The following USP33 variants were observed in gnomAD, a reference collection of about 807,000 sequenced individuals.
USP33 encodes ubiquitin specific peptidase 33.
USP33 carries 46 observed loss-of-function variants against 124.2 expected under a neutral mutation model. The observed-to-expected ratio is 0.37, with a 90% CI of 0.29 to 0.47. The LOEUF is 0.47. Among genes scored for constraint, USP33 ranks in the 20% least tolerant of loss-of-function variants. USP33 has a pLI of 0.99. For missense variants in USP33, 851 were observed against 1,070.6 expected (o/e 0.79, Z 2.86); for synonymous variants, 350 against 352.3 (o/e 0.99, Z 0.07).
chr1:77,744,867 T>G (rs1034960545), intron 1 of USP33, among the ~76,000 whole-genome samples: 2 of 152,160 alleles, frequency 1.3e-5, no homozygotes, highest in African/African-American at 4.8e-5. Flanking sequence ...AAATTTGGAA[T>G]AAGTGCGACA....
At position 77,759,447 on chromosome 1, in the gene USP33, T is replaced by G. The variant is rs954968598; in HGVS notation, c.-52+196A>C. On this transcript the variant is annotated intron_variant, in intron 1 of 23. Transcript: ENST00000370794. ...GACCGTTGACAGGGCGACCACTAGA[T>G]TATCTCTGCAACGCAGAGCACCGAG... The G allele has an allele frequency of 1.0e-5, 4 of 395,254 alleles. No individual in the cohort carries two copies. The South Asian group carries it at 4.3e-4, about 42-fold the overall frequency. 24.5% of individuals were successfully genotyped at this position (395,254 alleles called of 1,614,324 possible).
chr1:77,727,618 C>T (rs1179770443), intron 10 of USP33, among the ~76,000 whole-genome samples: 1 of 152,240 alleles, frequency 6.6e-6, no homozygotes, highest in African/African-American at 2.4e-5. Context: ...TACTCTCACT[C>T]TTCAGTAATT....
At position 77,735,229 on chromosome 1, in the gene USP33, C is replaced by T. The variant is rs139038259; in HGVS notation, c.455-813G>A. ...CATATGGTTCAAGCTAATATTAAAACGAGCCATTGAATGACTGTTATCTCT... is the reference window on the plus strand; with the variant it reads ...CATATGGTTCAAGCTAATATTAAAATGAGCCATTGAATGACTGTTATCTCT... On this transcript the variant is annotated intron_variant, in intron 6 of 23. Transcript: ENST00000370794. Among the ~76,000 whole-genome samples the T allele has an allele frequency of 5.0e-3, 761 of 152,208 alleles. 2 individuals carry two copies. Among genetic ancestry groups the T allele is most frequent in the Middle Eastern group, 0.044 (13 of 294 alleles).
chr1:77,711,525 T>A, intron 21 of USP33: 1 of 507,028 alleles, frequency 2.0e-6, no homozygotes, highest in South Asian at 5.3e-5. Flanking sequence ...AGATTTTGTC[T>A]CATACACACA....
chr1:77,725,957 CT>C (rs1461936712), intron 10 of USP33, among the ~76,000 whole-genome samples, 195 bp from the exon 11 acceptor site: 2 of 152,046 alleles, frequency 1.3e-5, no homozygotes, highest in Admixed American at 1.3e-4. Flanking sequence ...TTTTTGTTTA[CT>C]TGTTTTTTTG....
At chr1:77,730,000 T>G (rs1375191710) in intron 8 of USP33, 62 bp from the exon 9 acceptor site, 1 of 1,355,876 alleles carries the variant, frequency 7.4e-7, no homozygotes, top group Admixed American at 2.0e-5. Flanking sequence ...TTTTAAAAAT[T>G]AACTACCAAT....
At chr1:77,725,853 G>A in intron 10 of USP33, 91 bp from the exon 11 acceptor site, 1 of 1,189,866 alleles carries the variant, frequency 8.4e-7, no homozygotes, top group Non-Finnish European at 1.1e-6. Context: ...TTGATATTTT[G>A]AACACAATCA....
intron 22 of USP33, among the ~76,000 whole-genome samples, chr1:77,699,585 C>T (rs907098232): frequency 6.6e-6 from 1 of 152,226 alleles, no homozygotes; most frequent in Non-Finnish European, 1.5e-5. Context: ...CACTTTTACA[C>T]TGTTGGTGGG....
intron 20 of USP33, 38 bp from the exon 21 acceptor site, chr1:77,711,893 A>C: frequency 6.4e-7 from 1 of 1,565,004 alleles, no homozygotes; most frequent in Non-Finnish European, 8.6e-7. Flanking sequence ...TGTTCTAGGA[A>C]GTTTGTTTCT....
rs747109697 is a variant in USP33, at chr1:77,723,368, G to C, written c.1352C>G (p.Thr451Arg). 2.5e-6 allele frequency: 4 copies of C among 1,612,712 alleles called. No individual in the cohort carries two copies. The highest frequency in any genetic ancestry group is 3.3e-5 in the Admixed American group (2 of 59,878). ...CAGACACTGCACTGAACTAATGATT[G>C]TTCCATCAAATATGTCTGAAATAAC... ...RSVISDIFDGTIISSVQCLTC... is the reference protein window; with the variant it reads ...RSVISDIFDGRIISSVQCLTC... Residue 451 changes from threonine (T) to arginine (R), a missense_variant, in exon 12 of 24, where the codon ACA becomes AGA. Physicochemically the swap from Thr to Arg is moderately conservative, Grantham distance 71. Transcript: ENST00000370794.
intron 7 of USP33, among the ~76,000 whole-genome samples, chr1:77,731,047 C>T (rs1168333747): frequency 1.3e-5 from 2 of 152,160 alleles, no homozygotes; most frequent in African/African-American, 4.8e-5. Context: ...CCTACTTTTC[C>T]TCTTTAGCTC....
At chr1:77,735,967 A>C in intron 6 of USP33, 89 bp downstream of exon 6, 1 of 947,364 alleles carries the variant, frequency 1.1e-6, no homozygotes, top group Non-Finnish European at 1.5e-6. Context: ...AGCCCATTTT[A>C]CCTCCACATT....
intron 19 of USP33, 47 bp downstream of exon 19, chr1:77,714,567 T>C (rs1308879881): frequency 6.4e-7 from 1 of 1,568,048 alleles, no homozygotes; most frequent in South Asian, 1.2e-5. Flanking sequence ...TTGCAAATTA[T>C]TTTACAGCAA....
At chr1:77,746,457 G>A (rs968444282) in intron 1 of USP33, 2 of 152,146 alleles carry the variant, frequency 1.3e-5, no homozygotes, top group East Asian at 1.9e-4. Flanking sequence ...GTACAAAGAG[G>A]AGCTGGTACC....
At chr1:77,756,453 T>A (rs1680810590) in intron 1 of USP33, among the ~76,000 whole-genome samples, 1 of 152,210 alleles carries the variant, frequency 6.6e-6, no homozygotes, top group Non-Finnish European at 1.5e-5. Context: ...TATGCACAGT[T>A]AACACACTGA....
chr1:77,719,373 T>C (rs186612655), intron 15 of USP33, among the ~76,000 whole-genome samples: 13 of 151,902 alleles, frequency 8.6e-5, no homozygotes, highest in Admixed American at 8.5e-4. Flanking sequence ...ATAACAATAG[T>C]AATTTAAACC....
At chr1:77,713,594 A>G (rs1217989303) in intron 19 of USP33, 1 of 208,412 alleles carries the variant, frequency 4.8e-6, no homozygotes, top group East Asian at 1.7e-4. Flanking sequence ...ACAGGCTCTC[A>G]TTATGTTGCC....
chr1:77,759,783 C>T lies in USP33; in HGVS notation c.-192G>A, dbSNP rs916997411. The T allele has an allele frequency of 7.5e-6, 3 of 397,770 alleles. No individual in the cohort carries two copies. Among genetic ancestry groups the T allele is most frequent in the East Asian group, 3.6e-5 (1 of 28,054 alleles). The allele number at this position is 397,770 out of a possible 1,614,324, so 24.6% of individuals were successfully genotyped here. ...AGGGCCGGAAAACGGCCCCGCAGCG[C>T]TGCCCTCGGGGGGTCCGCCTCCTGA... is the stretch of plus-strand genomic sequence containing the variant. On this transcript the variant is annotated 5_prime_UTR_variant, in exon 1 of 24. Coordinates refer to ENST00000370794, the MANE Select transcript of USP33 (RefSeq NM_201624.3).
chr1:77,735,501 C>T (rs1311983099), intron 6 of USP33, among the ~76,000 whole-genome samples: 1 of 152,114 alleles, frequency 6.6e-6, no homozygotes, highest in African/African-American at 2.4e-5. Flanking sequence ...TATCTCTAGT[C>T]ATGTTAAGCT....
Sources: gnomAD v4.1 joint callset for allele counts (sites outside exome capture counted in the v4.1 genomes callset) on GRCh38, gnomAD v4.1.1 for gene constraint, MANE v1.5 for transcripts, NCBI Gene and HGNC (gene_info 2026-07-23, HGNC 2026-07-21) for gene names.